The following GNL3 variants were observed in gnomAD, a reference collection of about 807,000 sequenced individuals.
GNL3 encodes the protein G protein nucleolar 3, also known as guanine nucleotide-binding protein-like 3.
In GNL3, 77 loss-of-function variants were observed where a neutral mutation model predicts 70.6. The ratio of observed to expected loss-of-function variants is 1.09; its 90% CI spans 0.91 to 1.32. GNL3 has a LOEUF of 1.32. GNL3 is among the 40% of genes most tolerant of loss of function. GNL3 has a pLI of 0.00. For missense variants in GNL3, 634 were observed against 644.0 expected, an observed-to-expected ratio of 0.98 and a Z score of 0.17; for synonymous variants, 252 against 216.1, an observed-to-expected ratio of 1.17 and a Z score of -1.46.
At chr3:52,693,135 G>GT in intron 10 of GNL3, 52 bp from the exon 11 acceptor site, 1 of 1,598,384 alleles carries the variant, frequency 6.3e-7, no homozygotes, top group Non-Finnish European at 8.5e-7. Flanking sequence ...GTGTTTTAAA[G>GT]TACTGGCATG....
rs768183817 is a variant in GNL3 at position 52,693,286 on chromosome 3, A to G, written c.1144A>G (p.Asn382Asp). 1.4e-5 allele frequency: 22 copies of G among 1,614,012 alleles called. No individual in the cohort carries two copies. Among genetic ancestry groups the G allele is most frequent in the Non-Finnish European group, 1.9e-5 (22 of 1,180,030 alleles). Residue 382 changes from asparagine to aspartate, a missense_variant, in exon 11 of 15, where the codon AAT (asparagine) becomes GAT (aspartate). By Grantham distance (23) the Asn-to-Asp change is conservative. Coordinates refer to ENST00000418458, the MANE Select transcript of GNL3 (RefSeq NM_014366.5). ...TATGCACCAAAAAGGTGGAATCCCAAATGTTGAAGGTGCTGCCAAACTGCT... is the reference window on the plus strand; with the variant it reads ...TATGCACCAAAAAGGTGGAATCCCAGATGTTGAAGGTGCTGCCAAACTGCT... The part of the protein sequence containing the change: ...RGMHQKGGIP[N>D]VEGAAKLLWS...
intron 9 of GNL3, 187 bp from the exon 10 acceptor site, chr3:52,692,685 C>T (rs1368392041): frequency 4.0e-6 from 3 of 751,886 alleles, no homozygotes; most frequent in African/African-American, 1.7e-5. Context: ...TAAGCTATAA[C>T]ATGTAGTGTT....
In GNL3 at chr3:52,693,813, T is replaced by C. The variant is rs755788374; in HGVS notation, c.1500+6T>C. On this transcript the variant is annotated splice_donor_region_variant and intron_variant, in intron 13 of 14. Transcript: ENST00000418458. ...CTGTTGATGAAGAAGTTGATGTAAGTGTGTCCTCCATGAGTTAAAACTGAA... is the reference window on the plus strand; with the variant it reads ...CTGTTGATGAAGAAGTTGATGTAAGCGTGTCCTCCATGAGTTAAAACTGAA... The C allele has an allele frequency of 1.2e-6, 2 of 1,609,722 alleles. No individual in the cohort carries two copies. Among genetic ancestry groups the C allele is most frequent in the Admixed American group, 1.7e-5 (1 of 59,980 alleles).
At chr3:52,689,821 G>A (rs553345996) in intron 6 of GNL3, among the ~76,000 whole-genome samples, 1 of 152,124 alleles carries the variant, frequency 6.6e-6, no homozygotes, top group Non-Finnish European at 1.5e-5. Context: ...GCATGATGAT[G>A]GGCACTTGTA....
At chr3:52,693,989 G>A in intron 13 of GNL3, 48 bp from the exon 14 acceptor site, 2 of 1,492,040 alleles carry the variant, frequency 1.3e-6, no homozygotes, top group Non-Finnish European at 1.9e-6. Context: ...TGGATTAAAT[G>A]AGCAGACAAG....
chr3:52,686,084 A>G lies in GNL3; in HGVS notation c.-9A>G. Reference sequence around the variant, plus strand: ...GGTTGATGTGTTTGTGCTTCCTTCTACAGCCAATATGAAAAGGCCTAGTAA... The same window carrying G: ...GGTTGATGTGTTTGTGCTTCCTTCTGCAGCCAATATGAAAAGGCCTAGTAA... On this transcript the variant is annotated 5_prime_UTR_variant, in exon 1 of 15. Transcript: ENST00000418458. 7.5e-7 allele frequency: 1 copy of G among 1,334,550 alleles called. No individual in the cohort carries two copies. The highest frequency in any genetic ancestry group is 1.1e-6 in the Non-Finnish European group (1 of 924,390). The allele number at this position is 1,334,550 out of a possible 1,614,324, so 82.7% of individuals were successfully genotyped here.
intron 8 of GNL3, 136 bp downstream of exon 8, chr3:52,691,207 C>G (rs2097326888): frequency 1.4e-6 from 1 of 735,084 alleles, no homozygotes; most frequent in Admixed American, 2.6e-5. Context: ...TAGCTTCTTG[C>G]TTATACCTTA....
In GNL3 at chr3:52,694,242, T is replaced by C. The variant is rs148891436; in HGVS notation, c.1617T>C (p.Asp539=). Residue 539 remains aspartate (D), a synonymous_variant, in exon 15 of 15, where the codon GAT becomes GAC. Coordinates refer to ENST00000418458, the MANE Select transcript of GNL3 (RefSeq NM_014366.5). ...SFILDKIIEE[D]DAYDFSTDYV ...TCTTGGATAAAATCATTGAAGAGGATGATGCTTATGACTTCAGTACAGATT... is the reference window on the plus strand; with the variant it reads ...TCTTGGATAAAATCATTGAAGAGGACGATGCTTATGACTTCAGTACAGATT... 214 of 1,585,004 alleles carry C rather than the reference T, an allele frequency of 1.4e-4. 7 individuals carry two copies. In the South Asian group the frequency reaches 2.3e-3, roughly 17 times the overall value.
chr3:52,687,818 G>T (rs377763469), intron 4 of GNL3: 21 of 595,660 alleles, frequency 3.5e-5, no homozygotes, highest in South Asian at 2.9e-4. Flanking sequence ...GCAGACACGG[G>T]CTTTCACTAT....
intron 6 of GNL3, among the ~76,000 whole-genome samples, chr3:52,689,777 A>T (rs1044491034): frequency 3.9e-5 from 6 of 152,100 alleles, no homozygotes; most frequent in Admixed American, 3.3e-4. Context: ...ACACGGCGAA[A>T]CCCCATCTCT....
Position 52,693,175 on chromosome 3 carries a change from T to C in GNL3, c.1045-12T>C. 6.3e-7 allele frequency: 1 copy of C among 1,588,982 alleles called. No homozygotes were observed. Among genetic ancestry groups the C allele is most frequent in the Non-Finnish European group, 8.5e-7 (1 of 1,171,886 alleles). ...ATGAAGGACAGCTCCTTTGTTTGGTTTTTTTTTTAAGGTAGTACTGAAATA... is the reference window on the plus strand; with the variant it reads ...ATGAAGGACAGCTCCTTTGTTTGGTCTTTTTTTTAAGGTAGTACTGAAATA... On this transcript the variant is annotated splice_polypyrimidine_tract_variant and intron_variant, in intron 10 of 14. Transcript: ENST00000418458.
At chr3:52,693,573 A>T (rs1259550530) in intron 12 of GNL3, 29 bp downstream of exon 12, 1 of 1,614,104 alleles carries the variant, frequency 6.2e-7, no homozygotes, top group Non-Finnish European at 8.5e-7. Flanking sequence ...TGCTGTCTTC[A>T]TCAGCTGACA....
At chr3:52,686,470 C>A in intron 1 of GNL3, 1 of 569,318 alleles carries the variant, frequency 1.8e-6, no homozygotes, top group East Asian at 3.0e-5. Flanking sequence ...TCCTCTCCTG[C>A]CTTATGATTC....
At chr3:52,690,147 A>G (rs1324178812) in intron 6 of GNL3, among the ~76,000 whole-genome samples, 1 of 152,232 alleles carries the variant, frequency 6.6e-6, no homozygotes, top group Non-Finnish European at 1.5e-5. Context: ...CCCTGCCCTG[A>G]TTTTCTAGTT....
chr3:52,690,571 CTT>C lies in GNL3; in HGVS notation c.542-20_542-19del, dbSNP rs2097326298. 3.5e-6 allele frequency: 5 copies of C among 1,421,208 alleles called. No individual in the cohort carries two copies. Among genetic ancestry groups the C allele is most frequent in the Non-Finnish European group, 5.0e-6 (5 of 1,004,140 alleles). 88.0% of individuals were successfully genotyped at this position (1,421,208 alleles called of 1,614,324 possible). ...AGCCACCGTGCCTGGCCGCAAATGTCTTATTTCTAATTGCTATCAGATCTGGT... is the reference window on the plus strand; with the variant it reads ...AGCCACCGTGCCTGGCCGCAAATGTCATTTCTAATTGCTATCAGATCTGGT... On this transcript the variant is annotated intron_variant, in intron 6 of 14. Transcript: ENST00000418458.
chr3:52,688,765 A>G, intron 5 of GNL3: 1 of 346,676 alleles, frequency 2.9e-6, no homozygotes, highest in Non-Finnish European at 5.4e-6. Context: ...AGCTTTTGGC[A>G]AGGCCAGAAG....
At chr3:52,689,238 G>A (rs756592023) in intron 6 of GNL3, 32 bp downstream of exon 6, 2 of 1,590,178 alleles carry the variant, frequency 1.3e-6, no homozygotes, top group South Asian at 2.2e-5. Flanking sequence ...TGTCTTCTGT[G>A]TACATGGGTG....
intron 1 of GNL3, 63 bp downstream of exon 1, chr3:52,686,168 G>C: frequency 6.4e-7 from 1 of 1,569,434 alleles, no homozygotes. Flanking sequence ...CAGCCACCAC[G>C]ACGCTCTTCT....
Position 52,687,324 on chromosome 3 carries a change from C to T in GNL3, c.151C>T (p.Pro51Ser). ...HKKPRKDPGV[P>S]NSAPFKEALL... ...GAAGCCTAGGAAAGACCCAGGAGTTCCAAACAGTGCTCCCTTTAAGGAGGC... is the reference window on the plus strand; with the variant it reads ...GAAGCCTAGGAAAGACCCAGGAGTTTCAAACAGTGCTCCCTTTAAGGAGGC... The change falls in exon 3 of 15, where the codon CCA (proline) becomes TCA (serine). Residue 51 changes from proline to serine, a missense_variant. Transcript: ENST00000418458. 6.2e-7 allele frequency: 1 copy of T among 1,613,532 alleles called. No homozygotes were observed. Among genetic ancestry groups the T allele is most frequent in the Non-Finnish European group, 8.5e-7 (1 of 1,179,446 alleles).
Sources: allele counts gnomAD v4.1 joint callset (sites outside exome capture counted in the v4.1 genomes callset), GRCh38; gene constraint gnomAD v4.1.1; transcripts MANE v1.5; gene names NCBI Gene and HGNC (gene_info 2026-07-23, HGNC 2026-07-21).